HMGCS2: variants seen among roughly 807,000 people sequenced by gnomAD.
The protein encoded by HMGCS2 is 3-hydroxy-3-methylglutaryl-CoA synthase 2, also known as hydroxymethylglutaryl-CoA synthase, mitochondrial.
HMGCS2 carries 50 observed loss-of-function variants against 57.4 expected under a neutral mutation model. The observed-to-expected ratio is 0.87, with a 90% confidence interval of 0.69 to 1.10. HMGCS2 has a LOEUF of 1.10. Ranked by LOEUF, HMGCS2 falls within the 50% of genes least tolerant of loss-of-function variation. The probability of loss-of-function intolerance (pLI) is 0.00; values close to 1 mark genes in which losing one functional copy is unlikely to be tolerated. For missense variants in HMGCS2, 627 were observed against 636.5 expected (o/e 0.99, Z 0.16); for synonymous variants, 254 against 245.1 (o/e 1.04, Z -0.34).
intron 2 of HMGCS2, 55 bp from the exon 3 acceptor site, chr1:119,760,044 A>C (rs1214559513): frequency 2.0e-6 from 3 of 1,511,482 alleles, no homozygotes; most frequent in Non-Finnish European, 2.8e-6. Context: ...GAGTAGACTG[A>C]GTGCCTACTG....
chr1:119,749,845 T>G (rs1394991335), intron 9 of HMGCS2, among the ~76,000 whole-genome samples: 1 of 152,224 alleles, frequency 6.6e-6, no homozygotes, highest in Non-Finnish European at 1.5e-5. Context: ...AACTTGAGCA[T>G]GGAGACTGCA....
intron 5 of HMGCS2, among the ~76,000 whole-genome samples, chr1:119,755,963 C>T (rs1652826544): frequency 6.6e-6 from 1 of 152,212 alleles, no homozygotes. Context: ...GAAGAATGGT[C>T]CATGACAGGA....
intron 9 of HMGCS2, 106 bp from the exon 10 acceptor site, chr1:119,748,947 C>T (rs1012324692): frequency 4.6e-5 from 7 of 152,268 alleles, no homozygotes; most frequent in African/African-American, 1.7e-4. Context: ...GCTCCCCTAA[C>T]TGCATCCTGA....
chr1:119,760,023 T>C lies in HMGCS2; in HGVS notation c.560-34A>G, dbSNP rs766110622. 5.0e-6 allele frequency: 8 copies of C among 1,606,812 alleles called. No individual in the cohort carries two copies. The African/African-American group carries it at 1.1e-4, about 22-fold the overall frequency. On this transcript the variant is annotated intron_variant, in intron 2 of 9. Coordinates refer to ENST00000369406, the MANE Select transcript of HMGCS2 (RefSeq NM_005518.4). ...AGAAACAAGAAATATTTACCATCAT[T>C]ACCAAATCTAGAGTAGACTGAGTGC... is the stretch of plus-strand genomic sequence containing the variant.
rs1223577754 is a variant in HMGCS2, at chr1:119,750,908, A to T, written c.1421T>A (p.Val474Glu). 6.3e-7 allele frequency: 1 copy of T among 1,580,646 alleles called. No individual in the cohort carries two copies. The highest frequency in any genetic ancestry group is 1.1e-5 in the South Asian group (1 of 90,272). Residue 474 changes from valine (V) to glutamate (E), a missense_variant and splice_region_variant, in exon 9 of 10, where the codon GTG becomes GAG. By Grantham distance (121) the Val-to-Glu change is moderately radical (BLOSUM62 -2). Coordinates refer to ENST00000369406, the MANE Select transcript of HMGCS2 (RefSeq NM_005518.4). The part of the protein sequence containing the change: ...MNQREQFYHK[V>E]NFSPPGDTNS... ...TGTGTCACCAGGTGGGGAGAAATTC[A>T]CTGTGGAATGAGGAGAAGAGGCAGT...
At chr1:119,762,135 T>C (rs1479913131) in intron 2 of HMGCS2, among the ~76,000 whole-genome samples, 1 of 152,228 alleles carries the variant, frequency 6.6e-6, no homozygotes, top group Non-Finnish European at 1.5e-5. Context: ...CAATATGGGA[T>C]TAATTAAATA....
intron 4 of HMGCS2, among the ~76,000 whole-genome samples, chr1:119,758,747 A>C (rs1324478821): frequency 1.3e-5 from 2 of 152,236 alleles, no homozygotes; most frequent in Non-Finnish European, 2.9e-5. Flanking sequence ...GGTAAACCAC[A>C]AACCAAGAGC....
At chr1:119,749,400 C>A (rs1038074721) in intron 9 of HMGCS2, among the ~76,000 whole-genome samples, 8 of 148,750 alleles carry the variant, frequency 5.4e-5, no homozygotes, top group Non-Finnish European at 7.5e-5. Flanking sequence ...TTCCCCCCTC[C>A]CTCCCTATTT....
At chr1:119,767,079 C>T (rs1271844736) in intron 1 of HMGCS2, among the ~76,000 whole-genome samples, 5 of 152,164 alleles carry the variant, frequency 3.3e-5, no homozygotes, top group Admixed American at 2.0e-4. Flanking sequence ...TACTACACTT[C>T]AGGCACTGTG....
Position 119,759,931 on chromosome 1 carries a change from AC to A in HMGCS2, c.617del (p.Arg206LeufsTer12), listed in dbSNP as rs1343879814. On this transcript the variant is annotated frameshift_variant, in exon 3 of 10. Transcript: ENST00000369406. LOFTEE classifies it high-confidence loss of function. The stretch of plus-strand genomic sequence containing the variant: ...CCACAGCTCCGGCCCCACCTGTGGG[AC>A]GAGCATTACCACTGGGATAGACGGC... ...DIAVYPSGNA[R>X]PTGGAGAVAM... 1.9e-6 allele frequency: 3 copies of A among 1,614,004 alleles called. No homozygotes were observed. The highest frequency in any genetic ancestry group is 1.7e-6 in the Non-Finnish European group (2 of 1,179,956).
At chr1:119,758,225 T>C (rs1248918735) in intron 4 of HMGCS2, among the ~76,000 whole-genome samples, 1 of 152,250 alleles carries the variant, frequency 6.6e-6, no homozygotes, top group Non-Finnish European at 1.5e-5. Flanking sequence ...TAACTGTATT[T>C]TATTTTTATT....
intron 2 of HMGCS2, among the ~76,000 whole-genome samples, chr1:119,760,749 T>A (rs1653009312): frequency 6.6e-6 from 1 of 152,170 alleles, no homozygotes; most frequent in Admixed American, 6.5e-5. Context: ...ATGGTAGTAA[T>A]TTTAGTATTC....
intron 9 of HMGCS2, among the ~76,000 whole-genome samples, chr1:119,750,478 C>T (rs1377203809): frequency 6.6e-6 from 1 of 152,214 alleles, no homozygotes; most frequent in African/African-American, 2.4e-5. Context: ...GTTTCTCCCC[C>T]AGCTTTTGCC....
intron 5 of HMGCS2, 97 bp from the exon 6 acceptor site, chr1:119,755,694 G>A (rs754570283): frequency 3.8e-5 from 42 of 1,097,356 alleles, no homozygotes; most frequent in African/African-American, 2.2e-4. Flanking sequence ...ACTTTGGGGC[G>A]CATGTTTTTC....
Position 119,755,364 on chromosome 1 carries a change from C to T in HMGCS2, c.1187+63G>A. On this transcript the variant is annotated intron_variant, in intron 6 of 9. Transcript: ENST00000369406. ...GAGAAACCCAACTTTGTTGACCCTGCAGCCCACGGGGGCGGAGGCTGAGGG... is the reference window on the plus strand; with the variant it reads ...GAGAAACCCAACTTTGTTGACCCTGTAGCCCACGGGGGCGGAGGCTGAGGG... 11 of 1,510,736 alleles carry T rather than the reference C, an allele frequency of 7.3e-6. No homozygotes were observed. The South Asian group carries it at 1.1e-4, about 15-fold the overall frequency. 93.6% of individuals were successfully genotyped at this position (1,510,736 alleles called of 1,614,324 possible).
In HMGCS2 at chr1:119,757,303, G is replaced by C; in HGVS notation, c.986C>G (p.Thr329Ser). 6.2e-7 allele frequency: 1 copy of C among 1,614,188 alleles called. No individual in the cohort carries two copies. Among genetic ancestry groups the C allele is most frequent in the Non-Finnish European group, 8.5e-7 (1 of 1,180,022 alleles). ...AGCCTCCAGCCCCTTATATAAGCTG[G>C]TTTGTGTGTCACTGCTGGCTGACAG... ...DFLSASSDTQTSLYKGLEAFG... is the reference protein window; with the variant it reads ...DFLSASSDTQSSLYKGLEAFG... Residue 329 changes from threonine to serine, a missense_variant, in exon 5 of 10, where the codon ACC (threonine) becomes AGC (serine). Coordinates refer to ENST00000369406, the MANE Select transcript of HMGCS2 (RefSeq NM_005518.4).
At chr1:119,755,197 G>A (rs1652794204) in intron 6 of HMGCS2, among the ~76,000 whole-genome samples, 1 of 152,036 alleles carries the variant, frequency 6.6e-6, no homozygotes, top group Admixed American at 6.6e-5. Context: ...TTGTAGAGAT[G>A]AGGTTTCACC....
At position 119,758,124 on chromosome 1, in the gene HMGCS2, C is replaced by A. The variant is rs142470597; in HGVS notation, c.851-686G>T. Among the ~76,000 whole-genome samples, 52 of 152,386 alleles carry A rather than the reference C, an allele frequency of 3.4e-4. 1 individual carries two copies. Among genetic ancestry groups the A allele is most frequent in the African/African-American group, 1.2e-3 (51 of 41,602 alleles). On this transcript the variant is annotated intron_variant, in intron 4 of 9. Coordinates refer to ENST00000369406, the MANE Select transcript of HMGCS2 (RefSeq NM_005518.4). ...TTATGACACCCCCAAGGCATCCATGCCTTCTCCCACACTGCAATCTGTCTT... is the reference window on the plus strand; with the variant it reads ...TTATGACACCCCCAAGGCATCCATGACTTCTCCCACACTGCAATCTGTCTT...
chr1:119,752,421 T>C, intron 8 of HMGCS2, 128 bp downstream of exon 8: 2 of 1,063,722 alleles, frequency 1.9e-6, no homozygotes, highest in Non-Finnish European at 2.9e-6. Context: ...TTCTAGCAAA[T>C]CTTCTCCCAA....
Sources: allele counts gnomAD v4.1 joint callset (sites outside exome capture counted in the v4.1 genomes callset), GRCh38; gene constraint gnomAD v4.1.1; transcripts MANE v1.5; gene names NCBI Gene and HGNC (gene_info 2026-07-23, HGNC 2026-07-21).